Variants in SLTM observed in about 807,000 individuals in gnomAD.
SLTM encodes the protein SAFB-like transcription modulator.
A neutral mutation model predicts 134.6 loss-of-function variants in SLTM; 43 were observed. The observed-to-expected ratio is 0.32, with a 90% CI of 0.25 to 0.41. The LOEUF is 0.41. Among genes scored for constraint, SLTM ranks in the 10% least tolerant of loss-of-function variants. The pLI is 1.00. For synonymous variants in SLTM, 424 were observed against 432.3 expected (o/e 0.98, Z 0.24); for missense variants, 1,055 against 1,288.8 (o/e 0.82, Z 2.78).
chr15:58,909,816 A>G (rs1218949364), intron 5 of SLTM, among the ~76,000 whole-genome samples: 1 of 152,226 alleles, frequency 6.6e-6, no homozygotes, highest in African/African-American at 2.4e-5. Context: ...AATCAGCAAA[A>G]TCCAGGCCTT....
chr15:58,918,084 C>T (rs1188431084), intron 2 of SLTM, among the ~76,000 whole-genome samples: 1 of 146,226 alleles, frequency 6.8e-6, no homozygotes, highest in African/African-American at 2.5e-5. Context: ...TAATTTTCCA[C>T]ATTAAAAAAA....
At chr15:58,924,672 A>C (rs1049393417) in intron 2 of SLTM, among the ~76,000 whole-genome samples, 1 of 152,168 alleles carries the variant, frequency 6.6e-6, no homozygotes, top group Non-Finnish European at 1.5e-5. Flanking sequence ...TTGGATGATA[A>C]ATTGGCTTTC....
intron 2 of SLTM, among the ~76,000 whole-genome samples, chr15:58,922,860 G>A (rs557244390): frequency 4.6e-5 from 7 of 151,564 alleles, no homozygotes; most frequent in Admixed American, 6.6e-5. Context: ...TTACAGGCAC[G>A]TGCTGCCACC....
rs145773563 is a variant in SLTM at position 58,893,471 on chromosome 15, TA to T, written c.1649-108del. 3.8e-3 allele frequency: 2,787 copies of T among 733,618 alleles called. 66 individuals carry two copies. The African/African-American group carries it at 0.047, about 12-fold the overall frequency. 45.4% of individuals were successfully genotyped at this position (733,618 alleles called of 1,614,324 possible). A position where few individuals can be genotyped will look rare whatever the true frequency, so the allele number is the denominator to read the frequency against. On this transcript the variant is annotated intron_variant, in intron 12 of 20. Transcript: ENST00000380516. ...GATAGTCACACACCAATACATGAAATAAAAAAACTACTTATTCTACAAGAAC... is the reference window on the plus strand; with the variant it reads ...GATAGTCACACACCAATACATGAAATAAAAAACTACTTATTCTACAAGAAC...
chr15:58,886,246 TG>T (rs2140948654), intron 19 of SLTM, among the ~76,000 whole-genome samples: 1 of 148,186 alleles, frequency 6.7e-6, no homozygotes, highest in Non-Finnish European at 1.5e-5. Context: ...TGTGTGTGTG[TG>T]TGTGTGTGTG....
intron 5 of SLTM, among the ~76,000 whole-genome samples, chr15:58,903,684 T>TAAG (rs1362808460): frequency 6.8e-6 from 1 of 147,954 alleles, no homozygotes; most frequent in Admixed American, 6.7e-5. Context: ...ACTTAAAGTA[T>TAAG]AATAATAATA....
chr15:58,887,916 T>C (rs1209244071), intron 17 of SLTM, among the ~76,000 whole-genome samples: 1 of 152,118 alleles, frequency 6.6e-6, no homozygotes, highest in Non-Finnish European at 1.5e-5. Context: ...TTTGGAAGGC[T>C]GAGGTGGGTG....
In SLTM at chr15:58,913,572, T is replaced by G. The variant is rs754141795; in HGVS notation, c.440A>C (p.Glu147Ala). Reference protein sequence around the residue: ...VHSKELLSAEENKRAHELIEA... With the variant: ...VHSKELLSAEANKRAHELIEA... ...TATTAATTCATGAGCTCTCTTGTTTTCTTCTGCAGAGAGTAACTCCTTGGA... is the reference window on the plus strand; with the variant it reads ...TATTAATTCATGAGCTCTCTTGTTTGCTTCTGCAGAGAGTAACTCCTTGGA... The change falls in exon 4 of 21, where the codon GAA (glutamate) becomes GCA (alanine). Residue 147 changes from glutamate to alanine, a missense_variant. Glu to Ala is a moderately radical substitution (Grantham distance 107, BLOSUM62 -1). Around this residue, in one of 3 missense-constraint regions of SLTM, gnomAD observed 268 missense variants for 284.3 expected, o/e 0.94. Transcript: ENST00000380516. 1 of 1,613,542 alleles carries G rather than the reference T, an allele frequency of 6.2e-7. No individual in the cohort carries two copies.
At chr15:58,920,310 C>A (rs2036936967) in intron 2 of SLTM, among the ~76,000 whole-genome samples, 1 of 151,708 alleles carries the variant, frequency 6.6e-6, no homozygotes, top group African/African-American at 2.4e-5. Flanking sequence ...GACAGAGCGA[C>A]ACTCTGTCTT....
chr15:58,896,845 C>G (rs1176343250), intron 9 of SLTM, among the ~76,000 whole-genome samples: 4 of 152,134 alleles, frequency 2.6e-5, no homozygotes, highest in African/African-American at 9.7e-5. Context: ...TACAAAGTAT[C>G]ATGATGAATA....
At position 58,880,110 on chromosome 15, in the gene SLTM, G is replaced by A. The variant is rs1178147471; in HGVS notation, c.2997-3C>T. 1.9e-6 allele frequency: 3 copies of A among 1,609,872 alleles called. No individual in the cohort carries two copies. Among genetic ancestry groups the A allele is most frequent in the South Asian group, 2.2e-5 (2 of 90,066 alleles). On this transcript the variant is annotated splice_polypyrimidine_tract_variant and splice_region_variant and intron_variant, in intron 20 of 20. Coordinates refer to ENST00000380516, the MANE Select transcript of SLTM (RefSeq NM_024755.4). Reference sequence around the variant, plus strand: ...TTCTATTAATTGGGGATGCGTTACTGAAAAAGGTTTAAAAGAAAAAAACAT... The same window carrying A: ...TTCTATTAATTGGGGATGCGTTACTAAAAAAGGTTTAAAAGAAAAAAACAT...
chr15:58,896,651 A>G (rs1438828766), intron 9 of SLTM, among the ~76,000 whole-genome samples: 1 of 152,224 alleles, frequency 6.6e-6, no homozygotes, highest in African/African-American at 2.4e-5. Context: ...TCATGCCTAT[A>G]TATATAGCCA....
At chr15:58,887,799 T>C (rs1595837295) in intron 17 of SLTM, among the ~76,000 whole-genome samples, 1 of 152,262 alleles carries the variant, frequency 6.6e-6, no homozygotes, top group East Asian at 1.9e-4. Context: ...CTGAAGAATG[T>C]TTTACTGTTC....
At chr15:58,894,393 C>T (rs755063664) in intron 10 of SLTM, 40 bp downstream of exon 10, 1 of 1,611,300 alleles carries the variant, frequency 6.2e-7, no homozygotes, top group South Asian at 1.1e-5. Flanking sequence ...AACTAGCCAT[C>T]AAATTAGACT....
chr15:58,915,134 C>T (rs933075721), intron 3 of SLTM, among the ~76,000 whole-genome samples: 4 of 151,834 alleles, frequency 2.6e-5, no homozygotes, highest in Admixed American at 6.6e-5. Context: ...GAGGTTGCAG[C>T]GAGCTGACAT....
At chr15:58,885,969 TAGA>T (rs1334724234) in intron 19 of SLTM, among the ~76,000 whole-genome samples, 1 of 152,174 alleles carries the variant, frequency 6.6e-6, no homozygotes, top group Non-Finnish European at 1.5e-5. Context: ...ATTTCATCAG[TAGA>T]AGAATACTTT....
At position 58,890,284 on chromosome 15, in the gene SLTM, T is replaced by C. The variant is rs2034552190; in HGVS notation, c.2076A>G (p.Glu692=). The stretch of plus-strand genomic sequence containing the variant: ...TGAAAAGATTTTCTGACTGCACCTG[T>C]TCAATACGAATGCGTTCCCTTTCCA... ...ERLERERIRI[E]QERRKEAERI... Residue 692 remains glutamate (E), a synonymous_variant, in exon 15 of 21, where the codon GAA becomes GAG. Coordinates refer to ENST00000380516, the MANE Select transcript of SLTM (RefSeq NM_024755.4). The C allele has an allele frequency of 6.2e-7, 1 of 1,613,890 alleles. No homozygotes were observed. Among genetic ancestry groups the C allele is most frequent in the Non-Finnish European group, 8.5e-7 (1 of 1,179,930 alleles).
At chr15:58,915,399 C>G (rs2036563881) in intron 3 of SLTM, among the ~76,000 whole-genome samples, 1 of 152,010 alleles carries the variant, frequency 6.6e-6, no homozygotes, top group Non-Finnish European at 1.5e-5. Flanking sequence ...AACTGAAGAG[C>G]TGAAAGAAAC....
At chr15:58,933,259 C>G in intron 1 of SLTM, 145 bp downstream of exon 1, 1 of 809,446 alleles carries the variant, frequency 1.2e-6, no homozygotes, top group East Asian at 3.6e-5. Flanking sequence ...CCTCCACGCT[C>G]GCGGGAGCCG....
Sources: gnomAD v4.1 joint callset for allele counts (sites outside exome capture counted in the v4.1 genomes callset) on GRCh38, gnomAD v4.1.1 for gene constraint, gnomAD v4.1.1 regional missense constraint, MANE v1.5 for transcripts, NCBI Gene and HGNC (gene_info 2026-07-23, HGNC 2026-07-21) for gene names.